The following CCDC60 variants were observed in gnomAD, a reference collection of about 807,000 sequenced individuals.
CCDC60 encodes coiled-coil domain-containing protein 60.
A neutral mutation model predicts 63.5 loss-of-function variants in CCDC60; 54 were observed. That is an observed-to-expected ratio of 0.85 (90% CI 0.68 to 1.07). The LOEUF (loss-of-function observed/expected upper bound fraction) is 1.07, where lower values mean the gene tolerates loss of function less well. Among genes scored for constraint, CCDC60 ranks in the 50% least tolerant of loss-of-function variants. CCDC60 has a pLI of 0.00. For synonymous variants in CCDC60, 206 were observed against 238.8 expected, an observed-to-expected ratio of 0.86 and a Z score of 1.27; for missense variants, 651 against 684.3, an observed-to-expected ratio of 0.95 and a Z score of 0.54.
At chr12:119,531,118 C>T in intron 13 of CCDC60, 55 bp downstream of exon 13, 2 of 1,476,484 alleles carry the variant, frequency 1.4e-6, no homozygotes, top group East Asian at 2.3e-5. Flanking sequence ...ATTCAATCAC[C>T]TCTCAACATT....
chr12:119,417,976 G>A (rs1325280084), intron 1 of CCDC60, among the ~76,000 whole-genome samples: 1 of 152,120 alleles, frequency 6.6e-6, no homozygotes. Flanking sequence ...TGAAACTGGG[G>A]TTTCAGTCAC....
intron 13 of CCDC60, among the ~76,000 whole-genome samples, chr12:119,538,034 C>T (rs937957720): frequency 6.6e-6 from 1 of 152,246 alleles, no homozygotes; most frequent in Non-Finnish European, 1.5e-5. Context: ...GTGGAATCTA[C>T]AGAGGCAACA....
At chr12:119,360,313 C>A (rs1189555332) in intron 1 of CCDC60, among the ~76,000 whole-genome samples, 4 of 149,022 alleles carry the variant, frequency 2.7e-5, no homozygotes, top group African/African-American at 7.4e-5. Context: ...ACCTCCCTCC[C>A]GGACTGGGCG....
At chr12:119,515,187 C>A (rs147494346) in intron 7 of CCDC60, among the ~76,000 whole-genome samples, 132 of 152,282 alleles carry the variant, frequency 8.7e-4, no homozygotes, top group Middle Eastern at 3.4e-3. Flanking sequence ...TCTGCAGTGA[C>A]CCTATTTCCA....
chr12:119,450,868 AAGAGAGAG>A (rs55677949), intron 2 of CCDC60, among the ~76,000 whole-genome samples: 1 of 141,700 alleles, frequency 7.1e-6, no homozygotes, highest in Non-Finnish European at 1.5e-5. Flanking sequence ...AAAAAAAAAA[AAGAGAGAG>A]AGAGAGAGAG....
intron 1 of CCDC60, among the ~76,000 whole-genome samples, chr12:119,379,928 A>T (rs978774245): frequency 6.6e-6 from 1 of 152,208 alleles, no homozygotes; most frequent in Admixed American, 6.5e-5. Context: ...ATATACATAC[A>T]GATGTGTACA....
intron 1 of CCDC60, among the ~76,000 whole-genome samples, chr12:119,383,967 C>T (rs1043711763): frequency 1.6e-4 from 25 of 152,230 alleles, no homozygotes; most frequent in African/African-American, 5.5e-4. Flanking sequence ...GAGGCCGAGG[C>T]GGGCGGATCA....
intron 6 of CCDC60, among the ~76,000 whole-genome samples, chr12:119,501,949 T>G (rs1951863698): frequency 6.6e-6 from 1 of 152,234 alleles, no homozygotes; most frequent in South Asian, 2.1e-4. Flanking sequence ...TCCCCTGTTC[T>G]GGGCCTCAGT....
rs116558276 is a variant in CCDC60 at position 119,381,824 on chromosome 12, T to C, written c.90+46558T>C. Among the ~76,000 whole-genome samples, 752 of 152,334 alleles carry C rather than the reference T, an allele frequency of 4.9e-3. 5 individuals carry two copies. Among genetic ancestry groups the C allele is most frequent in the African/African-American group, 0.017 (712 of 41,566 alleles). ...GTGCTCCAAACTTATGAGAAGGATT[T>C]CTTATCTCAGACCCTAAGATCTACA... On this transcript the variant is annotated intron_variant, in intron 1 of 13. Coordinates refer to ENST00000327554, the MANE Select transcript of CCDC60 (RefSeq NM_178499.5).
chr12:119,445,531 G>A (rs1335441251), intron 2 of CCDC60, among the ~76,000 whole-genome samples: 1 of 150,196 alleles, frequency 6.7e-6, no homozygotes, highest in Non-Finnish European at 1.5e-5. Flanking sequence ...AATCAAGCAG[G>A]CTGCAAAGTG....
chr12:119,513,594 A>G (rs922342956), intron 7 of CCDC60, among the ~76,000 whole-genome samples: 1 of 152,206 alleles, frequency 6.6e-6, no homozygotes, highest in Non-Finnish European at 1.5e-5. Flanking sequence ...TCATACCCCA[A>G]TATGATGTCA....
chr12:119,479,104 G>C lies in CCDC60; in HGVS notation c.352G>C (p.Asp118His), dbSNP rs1243963131. The C allele has an allele frequency of 6.2e-7, 1 of 1,612,048 alleles. No homozygotes were observed. The highest frequency in any genetic ancestry group is 8.5e-7 in the Non-Finnish European group (1 of 1,178,566). Residue 118 changes from aspartate to histidine, a missense_variant, in exon 4 of 14, where the codon GAT becomes CAT. Coordinates refer to ENST00000327554, the MANE Select transcript of CCDC60 (RefSeq NM_178499.5). ...CTGCTTGTCCTTCAGCACATATGAT[G>C]ATGAGAAGTTGAAGACACTGGGAGC... ...YGDTLLSTYDDEKLKTLGARV... is the reference protein window; with the variant it reads ...YGDTLLSTYDHEKLKTLGARV...
intron 4 of CCDC60, among the ~76,000 whole-genome samples, chr12:119,485,989 C>A (rs1046157295): frequency 2.0e-5 from 3 of 152,166 alleles, no homozygotes; most frequent in African/African-American, 7.2e-5. Flanking sequence ...CCCCACCCCA[C>A]ATATCCCAAA....
At chr12:119,367,561 C>G (rs974707954) in intron 1 of CCDC60, among the ~76,000 whole-genome samples, 23 of 152,262 alleles carry the variant, frequency 1.5e-4, no homozygotes, top group African/African-American at 5.1e-4. Context: ...CAGGTTTGCC[C>G]TTAGCTGTGA....
intron 1 of CCDC60, among the ~76,000 whole-genome samples, chr12:119,345,088 A>G (rs1332134016): frequency 6.6e-6 from 1 of 152,146 alleles, no homozygotes; most frequent in African/African-American, 2.4e-5. Flanking sequence ...TGTTGCCACC[A>G]CTTTGGTATC....
At chr12:119,516,319 T>A (rs1211317617) in intron 7 of CCDC60, among the ~76,000 whole-genome samples, 3 of 152,352 alleles carry the variant, frequency 2.0e-5, no homozygotes, top group South Asian at 2.1e-4. Context: ...TTGGCCAGGC[T>A]GGTTTCAAAC....
intron 1 of CCDC60, among the ~76,000 whole-genome samples, chr12:119,347,802 C>G (rs1005762829): frequency 2.0e-5 from 3 of 152,178 alleles, no homozygotes; most frequent in African/African-American, 7.2e-5. Flanking sequence ...AATAACAGTT[C>G]CTGCCTCATC....
At chr12:119,370,052 G>T (rs1251356419) in intron 1 of CCDC60, among the ~76,000 whole-genome samples, 1 of 152,172 alleles carries the variant, frequency 6.6e-6, no homozygotes, top group Admixed American at 6.5e-5. Flanking sequence ...AAGAGACCAG[G>T]CCAGACCAGC....
At chr12:119,352,636 T>C (rs1955667914) in intron 1 of CCDC60, among the ~76,000 whole-genome samples, 1 of 152,142 alleles carries the variant, frequency 6.6e-6, no homozygotes, top group Non-Finnish European at 1.5e-5. Flanking sequence ...ATTCTCAAGT[T>C]TCTCAAATTT....
Sources: allele counts gnomAD v4.1 joint callset (sites outside exome capture counted in the v4.1 genomes callset), GRCh38; gene constraint gnomAD v4.1.1; transcripts MANE v1.5; gene names NCBI Gene and HGNC (gene_info 2026-07-23, HGNC 2026-07-21).